The following HACD2 variants were observed in gnomAD, a reference collection of about 807,000 sequenced individuals.
HACD2 encodes the protein 3-hydroxyacyl-CoA dehydratase 2, also known as very-long-chain (3R)-3-hydroxyacyl-CoA dehydratase 2.
A neutral mutation model predicts 31.0 loss-of-function variants in HACD2; 15 were observed. The ratio of observed to expected loss-of-function variants is 0.48; its 90% CI spans 0.32 to 0.75. The LOEUF is 0.75. Among genes scored for constraint, HACD2 ranks in the 30% least tolerant of loss-of-function variants. HACD2 has a pLI of 0.03. For missense variants in HACD2, 283 were observed against 313.0 expected (o/e 0.90, Z 0.72); for synonymous variants, 115 against 122.2 (o/e 0.94, Z 0.39).
At chr3:123,579,226 T>C (rs2056939520) in intron 2 of HACD2, among the ~76,000 whole-genome samples, 1 of 152,194 alleles carries the variant, frequency 6.6e-6, no homozygotes, top group Non-Finnish European at 1.5e-5. Flanking sequence ...TTTTAAAGTA[T>C]GACACTGTTT....
At chr3:123,524,189 C>T (rs957493092) in intron 4 of HACD2, among the ~76,000 whole-genome samples, 4 of 152,190 alleles carry the variant, frequency 2.6e-5, no homozygotes, top group African/African-American at 9.6e-5. Flanking sequence ...ACATAGGTAT[C>T]TTAGATCATT....
At position 123,582,385 on chromosome 3, in the gene HACD2, T is replaced by C. The variant is rs1034709796; in HGVS notation, c.156-56A>G. On this transcript the variant is annotated intron_variant, in intron 1 of 6. Coordinates refer to ENST00000383657, the MANE Select transcript of HACD2 (RefSeq NM_198402.5). ...AAATAAAAATAAAAAAAGTAGCATT[T>C]AGGTTAACACACAGCTGTGGCAATA... is the stretch of plus-strand genomic sequence containing the variant. 1.1e-5 allele frequency: 14 copies of C among 1,231,608 alleles called. No homozygotes were observed. In the African/African-American group the frequency reaches 2.0e-4, roughly 18 times the overall value. 76.3% of individuals were successfully genotyped at this position (1,231,608 alleles called of 1,614,324 possible).
chr3:123,560,643 A>C (rs139631262), intron 3 of HACD2, among the ~76,000 whole-genome samples: 1 of 152,320 alleles, frequency 6.6e-6, no homozygotes, highest in South Asian at 2.1e-4. Flanking sequence ...GGTAAGAACA[A>C]GGCTTAAAGA....
In HACD2 at chr3:123,492,661, G is replaced by A. The variant is rs975733865; in HGVS notation, c.*2227C>T. On this transcript the variant is annotated 3_prime_UTR_variant, in exon 7 of 7. Coordinates refer to ENST00000383657, the MANE Select transcript of HACD2 (RefSeq NM_198402.5). The stretch of plus-strand genomic sequence containing the variant: ...GCAACACCACTGTTTGCAACAGAAT[G>A]TTTTTTATAAGTAGTGACAAATTAT... The A allele has an allele frequency of 6.6e-6, 1 of 152,134 alleles. No individual in the cohort carries two copies. Among genetic ancestry groups the A allele is most frequent in the African/African-American group, 2.4e-5 (1 of 41,420 alleles). 9.4% of individuals were successfully genotyped at this position (152,134 alleles called of 1,614,324 possible).
intron 3 of HACD2, among the ~76,000 whole-genome samples, chr3:123,558,920 C>A (rs921232973): frequency 3.9e-5 from 6 of 152,100 alleles, no homozygotes; most frequent in Non-Finnish European, 5.9e-5. Flanking sequence ...ACCATCGCAC[C>A]AAAGAACTGC....
chr3:123,551,426 C>T (rs1272796303), intron 3 of HACD2, among the ~76,000 whole-genome samples: 2 of 152,110 alleles, frequency 1.3e-5, no homozygotes, highest in Non-Finnish European at 2.9e-5. Context: ...CGAAACCAGC[C>T]TGGCCAACAT....
chr3:123,571,719 C>G (rs758068271), intron 2 of HACD2, among the ~76,000 whole-genome samples: 2 of 152,150 alleles, frequency 1.3e-5, no homozygotes, highest in African/African-American at 4.8e-5. Flanking sequence ...ATGAGACCCC[C>G]GAGCAAAGAA....
At chr3:123,567,697 T>C in intron 3 of HACD2, 65 bp downstream of exon 3, 1 of 993,076 alleles carries the variant, frequency 1.0e-6, no homozygotes, top group African/African-American at 1.7e-5. Context: ...ATAAAGCCTA[T>C]CATCTATGAC....
chr3:123,566,327 C>A (rs963024239), intron 3 of HACD2, among the ~76,000 whole-genome samples: 10 of 151,936 alleles, frequency 6.6e-5, no homozygotes, highest in Non-Finnish European at 1.5e-4. Context: ...ACTCGTTTCC[C>A]AGGCTAAAAT....
At chr3:123,543,591 TA>T (rs1323956288) in intron 3 of HACD2, 17 of 300,020 alleles carry the variant, frequency 5.7e-5, no homozygotes, top group East Asian at 1.0e-4. Context: ...AATTACTTAT[TA>T]AAAAAATAAA....
At chr3:123,519,376 T>A (rs1400435213) in intron 4 of HACD2, among the ~76,000 whole-genome samples, 3 of 152,220 alleles carry the variant, frequency 2.0e-5, no homozygotes, top group Non-Finnish European at 4.4e-5. Flanking sequence ...TTTTCTGTGA[T>A]GCATCTCAGT....
In HACD2 at chr3:123,493,114, G is replaced by C. The variant is rs2055784061; in HGVS notation, c.*1774C>G. The C allele has an allele frequency of 6.6e-6, 1 of 152,196 alleles. No homozygotes were observed. Among genetic ancestry groups the C allele is most frequent in the Admixed American group, 6.5e-5 (1 of 15,288 alleles). 9.4% of individuals were successfully genotyped at this position (152,196 alleles called of 1,614,324 possible). A position where few individuals can be genotyped will look rare whatever the true frequency, so the allele number is the denominator to read the frequency against. On this transcript the variant is annotated 3_prime_UTR_variant, in exon 7 of 7. Transcript: ENST00000383657. ...TCATGCCTGCAATCCCAGCACTTTG[G>C]GAGGCTGAGGCGGGTGGATCACGAG...
chr3:123,497,792 C>T (rs1375885627), intron 6 of HACD2, among the ~76,000 whole-genome samples: 1 of 152,290 alleles, frequency 6.6e-6, no homozygotes, highest in East Asian at 1.9e-4. Flanking sequence ...GGTCAAGCCT[C>T]ATGAGCCACA....
chr3:123,584,251 G>C (rs974363182), intron 1 of HACD2, among the ~76,000 whole-genome samples: 4 of 152,172 alleles, frequency 2.6e-5, no homozygotes, highest in Non-Finnish European at 5.9e-5. Flanking sequence ...GGGTAAAACC[G>C]TTTCGAGGGT....
intron 3 of HACD2, among the ~76,000 whole-genome samples, chr3:123,555,700 G>A (rs1393793818): frequency 1.3e-5 from 2 of 152,144 alleles, no homozygotes; most frequent in Non-Finnish European, 2.9e-5. Flanking sequence ...AAAATCCCAG[G>A]AAGCTATTTT....
In HACD2 at chr3:123,544,366, G is replaced by A. The variant is rs535446092; in HGVS notation, c.293-15892C>T. 2.0e-5 allele frequency among the ~76,000 whole-genome samples: 3 copies of A among 152,226 alleles called. No homozygotes were observed. In the South Asian group the frequency reaches 6.2e-4, roughly 32 times the overall value. ...GCTTGAAAACGATAGGCAAATGAAT[G>A]TTCAGGTACAAGAAGACCCAACCCA... On this transcript the variant is annotated intron_variant, in intron 3 of 6. Coordinates refer to ENST00000383657, the MANE Select transcript of HACD2 (RefSeq NM_198402.5).
intron 3 of HACD2, among the ~76,000 whole-genome samples, chr3:123,556,763 C>CA (rs566447588): frequency 1.3e-5 from 2 of 151,980 alleles, no homozygotes; most frequent in African/African-American, 2.4e-5. Context: ...TAAATCTCAA[C>CA]AAAAAAACAA....
At chr3:123,567,874 G>A in intron 2 of HACD2, 94 bp from the exon 3 acceptor site, 1 of 710,662 alleles carries the variant, frequency 1.4e-6, no homozygotes, top group Non-Finnish European at 2.2e-6. Flanking sequence ...TAAGAATAGA[G>A]CAGCGTCTGC....
chr3:123,524,097 G>A (rs1299970153), intron 4 of HACD2, among the ~76,000 whole-genome samples: 1 of 152,202 alleles, frequency 6.6e-6, no homozygotes, highest in Non-Finnish European at 1.5e-5. Flanking sequence ...GAAAAGAGAT[G>A]CTGAGATTGG....
Sources: allele counts gnomAD v4.1 joint callset (sites outside exome capture counted in the v4.1 genomes callset), GRCh38; gene constraint gnomAD v4.1.1; transcripts MANE v1.5; gene names NCBI Gene and HGNC (gene_info 2026-07-23, HGNC 2026-07-21).